The following HOXB3 variants were observed in gnomAD, a reference collection of about 807,000 sequenced individuals.
The protein encoded by HOXB3 is homeobox B3.
In HOXB3, 17 loss-of-function variants were observed where a neutral mutation model predicts 29.2. The ratio of observed to expected loss-of-function variants is 0.58; its 90% CI spans 0.40 to 0.87. The LOEUF (loss-of-function observed/expected upper bound fraction) is 0.87, where lower values mean the gene tolerates loss of function less well. Ranked by LOEUF, HOXB3 falls within the 40% of genes least tolerant of loss-of-function variation. The pLI, the probability that HOXB3 is intolerant of heterozygous loss-of-function variation, is 0.00. For synonymous variants in HOXB3, 317 were observed against 285.9 expected, an observed-to-expected ratio of 1.11 and a Z score of -1.10; for missense variants, 637 against 616.3, an observed-to-expected ratio of 1.03 and a Z score of -0.35.
intron 1 of HOXB3, chr17:48,578,370 G>T (rs759966997): frequency 6.4e-7 from 1 of 1,571,982 alleles, no homozygotes; most frequent in Non-Finnish European, 8.6e-7. Context: ...TCCGACCCCT[G>T]ACTCGTTTTC....
chr17:48,576,647 C>CTT, intron 1 of HOXB3: 1 of 988,930 alleles, frequency 1.0e-6, no homozygotes, highest in Non-Finnish European at 1.4e-6. Flanking sequence ...GGGCCCCCTC[C>CTT]TGTCCCCCCA....
intron 1 of HOXB3, 125 bp from the exon 2 acceptor site, chr17:48,574,139 T>G (rs2069678768): frequency 2.3e-6 from 1 of 436,522 alleles, no homozygotes; most frequent in Non-Finnish European, 4.0e-6. Flanking sequence ...AACTTTAAGC[T>G]CCATAGAAAT....
chr17:48,552,124 G>A lies in HOXB3; in HGVS notation c.351C>T (p.Cys117=), dbSNP rs2068776363. 5 of 1,613,838 alleles carry A rather than the reference G, an allele frequency of 3.1e-6. No individual in the cohort carries two copies. The highest frequency in any genetic ancestry group is 4.2e-6 in the Non-Finnish European group (5 of 1,179,826). The change falls in exon 4 of 5, where the codon TGC becomes TGT. Residue 117 remains cysteine, a synonymous_variant. Transcript: ENST00000498678. ...TGAGGGTGGAGTTGGTGCCGGGACC[G>A]CACTTTGGGGGACCACTTTTGCTGG... ...GGPSKSGPPK[C]GPGTNSTLTK... is the part of the protein sequence containing the mutation.
chr17:48,573,954 T>G lies in HOXB3; in HGVS notation c.-364A>C. ...TTATGGTTCCAAATTTTTTCCCCCT[T>G]GCAGATCCGGGAGAGACGGCTAACA... On this transcript the variant is annotated 5_prime_UTR_variant, in exon 2 of 5. Coordinates refer to ENST00000498678, the MANE Select transcript of HOXB3 (RefSeq NM_001384749.1). The G allele has an allele frequency of 4.3e-6, 3 of 695,286 alleles. No individual in the cohort carries two copies. The highest frequency in any genetic ancestry group is 7.8e-6 in the Non-Finnish European group (3 of 382,348). 43.1% of individuals were successfully genotyped at this position (695,286 alleles called of 1,614,324 possible).
chr17:48,558,887 GAAACCTGGA>G (rs937586221), intron 2 of HOXB3, among the ~76,000 whole-genome samples: 2 of 151,942 alleles, frequency 1.3e-5, no homozygotes, highest in Non-Finnish European at 2.9e-5. Context: ...ATTTGGGAGG[GAAACCTGGA>G]AAACTGTGTG....
At chr17:48,555,341 A>AGAGAGAGG in intron 3 of HOXB3, 190 bp downstream of exon 3, 1 of 438,168 alleles carries the variant, frequency 2.3e-6, no homozygotes, top group Non-Finnish European at 4.0e-6. Flanking sequence ...AGAGGGAGAG[A>AGAGAGAGG]GAGAGAGAGA....
At chr17:48,570,016 T>TC (rs1405037188) in intron 2 of HOXB3, among the ~76,000 whole-genome samples, 3 of 151,764 alleles carry the variant, frequency 2.0e-5, no homozygotes, top group Admixed American at 6.6e-5. Context: ...CTGTCTCATT[T>TC]CCCCCCCTTC....
intron 2 of HOXB3, among the ~76,000 whole-genome samples, chr17:48,561,993 A>C (rs111247850): frequency 0.02 from 2,975 of 152,310 alleles, 33 homozygotes; most frequent in African/African-American, 0.032. Flanking sequence ...TCGTCACCAG[A>C]TTCAGAGTAT....
At chr17:48,576,793 G>C (rs746670209) in intron 1 of HOXB3, 2 of 1,614,202 alleles carry the variant, frequency 1.2e-6, no homozygotes, top group South Asian at 2.2e-5. Flanking sequence ...CCACCCGAGC[G>C]GATCTTGGTG....
chr17:48,576,763 C>T lies in HOXB3; in HGVS notation c.-424-2749G>A. 1.9e-6 allele frequency: 3 copies of T among 1,613,790 alleles called. No individual in the cohort carries two copies. The highest frequency in any genetic ancestry group is 2.5e-6 in the Non-Finnish European group (3 of 1,179,866). On this transcript the variant is annotated intron_variant, in intron 1 of 4. Coordinates refer to ENST00000498678, the MANE Select transcript of HOXB3 (RefSeq NM_001384749.1). Reference sequence around the variant, plus strand: ...CCTCCATTGGGCCGGCCAGGGGGCCCTCCGGCTGAGCCTGCCGCACCACCC... The same window carrying T: ...CCTCCATTGGGCCGGCCAGGGGGCCTTCCGGCTGAGCCTGCCGCACCACCC...
At chr17:48,569,087 T>A (rs2069494557) in intron 2 of HOXB3, among the ~76,000 whole-genome samples, 1 of 151,036 alleles carries the variant, frequency 6.6e-6, no homozygotes, top group East Asian at 1.9e-4. Flanking sequence ...TTTCTCGGGG[T>A]ACAGGCTTGT....
intron 1 of HOXB3, chr17:48,579,963 T>C (rs554769879): frequency 2.0e-6 from 1 of 510,596 alleles, no homozygotes; most frequent in East Asian, 5.9e-5. Flanking sequence ...GGCCCAGAAA[T>C]TTTCCAGTTC....
intron 2 of HOXB3, among the ~76,000 whole-genome samples, chr17:48,568,892 G>A (rs1441836657): frequency 2.6e-5 from 4 of 152,166 alleles, no homozygotes; most frequent in African/African-American, 9.7e-5. Flanking sequence ...CACATTTTAC[G>A]ACAATAACAT....
Position 48,554,343 on chromosome 17 carries a change from C to T in HOXB3, c.-159+1188G>A, listed in dbSNP as rs1427795440. 3 of 386,388 alleles carry T rather than the reference C, an allele frequency of 7.8e-6. No homozygotes were observed. Among genetic ancestry groups the T allele is most frequent in the Admixed American group, 4.1e-5 (1 of 24,188 alleles). The allele number at this position is 386,388 out of a possible 1,614,324, so 23.9% of individuals were successfully genotyped here. On this transcript the variant is annotated intron_variant, in intron 3 of 4. Transcript: ENST00000498678. This position sits in a 1 kb window ranked among gnomAD's most constrained non-coding sequence, Gnocchi z 4.1. The stretch of plus-strand genomic sequence containing the variant: ...ATTGTTACAGCAATAATAATGATGA[C>T]GATGATGATGATAGTAATAATAATA...
At position 48,584,612 on chromosome 17, in the gene HOXB3, ATG is replaced by A. The variant is rs1474691322; in HGVS notation, c.-425+5511_-425+5512del. On this transcript the variant is annotated intron_variant, in intron 1 of 4. Coordinates refer to ENST00000498678, the MANE Select transcript of HOXB3 (RefSeq NM_001384749.1). ...GGGGTAATTTAATTGAATTTCTAAA[ATG>A]TGTGTGGCTAGGAAGGTTTTAATTA... 2.0e-5 allele frequency among the ~76,000 whole-genome samples: 3 copies of A among 152,206 alleles called. No individual in the cohort carries two copies. The East Asian group carries it at 5.8e-4, about 29-fold the overall frequency.
At chr17:48,569,971 T>TC (rs2069529940) in intron 2 of HOXB3, among the ~76,000 whole-genome samples, 1 of 152,168 alleles carries the variant, frequency 6.6e-6, no homozygotes, top group East Asian at 1.9e-4. Flanking sequence ...CACAAAAGAA[T>TC]CGGACTGTCA....
chr17:48,587,463 C>T (rs1437134718), intron 1 of HOXB3, among the ~76,000 whole-genome samples: 2 of 152,162 alleles, frequency 1.3e-5, no homozygotes, highest in Non-Finnish European at 2.9e-5. Flanking sequence ...CTGAGAAGTC[C>T]ATGCTGGGGA....
chr17:48,581,535 C>T (rs2069937231), intron 1 of HOXB3: 1 of 152,310 alleles, frequency 6.6e-6, no homozygotes, highest in South Asian at 2.1e-4. Context: ...CCAGGACCCA[C>T]TCCAACGGTC....
rs1196664830 is a variant in HOXB3, at chr17:48,552,577, C to T, written c.-103G>A. ...GGGTCACGTGACACGCCGGACCCCC[C>T]CCCCCCACCTCCCCTCTCTGCCCCC... On this transcript the variant is annotated 5_prime_UTR_variant, in exon 4 of 5. Coordinates refer to ENST00000498678, the MANE Select transcript of HOXB3 (RefSeq NM_001384749.1). The T allele has an allele frequency of 1.5e-5, 12 of 793,722 alleles. No homozygotes were observed. The highest frequency in any genetic ancestry group is 7.6e-4 in the Middle Eastern group (2 of 2,642). The allele number at this position is 793,722 out of a possible 1,614,324, so 49.2% of individuals were successfully genotyped here. A position where few individuals can be genotyped will look rare whatever the true frequency, so the allele number is the denominator to read the frequency against.
Sources: gnomAD v4.1 joint callset for allele counts (sites outside exome capture counted in the v4.1 genomes callset) on GRCh38, gnomAD v4.1.1 for gene constraint, Gnocchi (gnomAD v3.1) non-coding constraint, MANE v1.5 for transcripts, NCBI Gene and HGNC (gene_info 2026-07-23, HGNC 2026-07-21) for gene names.